COL25A1: variants seen among roughly 807,000 people sequenced by gnomAD.
COL25A1 encodes the protein collagen type XXV alpha 1 chain.
A neutral mutation model predicts 128.4 loss-of-function variants in COL25A1; 103 were observed. The observed-to-expected ratio is 0.80, with a 90% CI of 0.68 to 0.94. The LOEUF (loss-of-function observed/expected upper bound fraction) is 0.94. COL25A1 is among the 40% of genes least tolerant of loss of function. The pLI is 0.00. For missense variants in COL25A1, 745 were observed against 840.0 expected (o/e 0.89, Z 1.40); for synonymous variants, 279 against 277.2 (o/e 1.01, Z -0.06).
chr4:109,032,797 T>G (rs536610121), intron 5 of COL25A1, among the ~76,000 whole-genome samples: 11 of 152,226 alleles, frequency 7.2e-5, no homozygotes, highest in Non-Finnish European at 1.6e-4. Context: ...TGAACGATTC[T>G]AAATAACTGC....
intron 3 of COL25A1, among the ~76,000 whole-genome samples, chr4:109,290,070 T>G (rs764860544): frequency 1.3e-5 from 2 of 152,068 alleles, no homozygotes; most frequent in Non-Finnish European, 2.9e-5. Context: ...TTACTGATTA[T>G]ACAATTCCTC....
intron 3 of COL25A1, among the ~76,000 whole-genome samples, chr4:109,211,221 ATT>A (rs1491274036): frequency 4.2e-5 from 6 of 143,570 alleles, no homozygotes; most frequent in South Asian, 2.3e-4. Flanking sequence ...ATATATATAT[ATT>A]GTGTGTGTGT....
At chr4:109,230,079 C>T (rs1050130793) in intron 3 of COL25A1, among the ~76,000 whole-genome samples, 1 of 152,032 alleles carries the variant, frequency 6.6e-6, no homozygotes, top group African/African-American at 2.4e-5. Context: ...ACAAAGACAC[C>T]ACGAAGCCAT....
chr4:108,978,488 GA>G (rs1407881860), intron 6 of COL25A1, among the ~76,000 whole-genome samples: 6 of 152,068 alleles, frequency 3.9e-5, no homozygotes, highest in Admixed American at 3.9e-4. Flanking sequence ...AATTACAAAT[GA>G]AAGAAAGGTT....
At chr4:108,947,735 C>T (rs1331452795) in intron 8 of COL25A1, among the ~76,000 whole-genome samples, 3 of 152,016 alleles carry the variant, frequency 2.0e-5, no homozygotes, top group Non-Finnish European at 4.4e-5. Context: ...AATAATGCTG[C>T]CTAAATGCAC....
chr4:108,968,807 C>G (rs1012310473), intron 8 of COL25A1, among the ~76,000 whole-genome samples: 1 of 152,092 alleles, frequency 6.6e-6, no homozygotes, highest in African/African-American at 2.4e-5. Flanking sequence ...ATCACGAATT[C>G]AACATAATTA....
At chr4:109,220,116 T>A (rs1778308685) in intron 3 of COL25A1, among the ~76,000 whole-genome samples, 1 of 152,160 alleles carries the variant, frequency 6.6e-6, no homozygotes, top group Non-Finnish European at 1.5e-5. Flanking sequence ...ATCAATTGAG[T>A]CTTTGTATAT....
rs1761822763 is a variant in COL25A1 at position 109,060,081 on chromosome 4, A to AC, written c.368-9903dup. Among the ~76,000 whole-genome samples the AC allele has an allele frequency of 6.6e-5, 10 of 152,208 alleles. No individual in the cohort carries two copies. In the South Asian group the frequency reaches 2.1e-3, roughly 32 times the overall value. ...TCATCTACAAACTAACCTCTCAGAA[A>AC]CCCTTGTTTTCATCTTTAAATAAAG... On this transcript the variant is annotated intron_variant, in intron 3 of 37. Transcript: ENST00000399132.
chr4:108,837,244 CT>C (rs943989396), intron 31 of COL25A1, among the ~76,000 whole-genome samples: 1 of 151,918 alleles, frequency 6.6e-6, no homozygotes, highest in African/African-American at 2.4e-5. Flanking sequence ...TGGTCATCAG[CT>C]TTTTTTTCCT....
intron 3 of COL25A1, among the ~76,000 whole-genome samples, chr4:109,147,392 C>T (rs897457856): frequency 1.3e-5 from 2 of 152,212 alleles, no homozygotes; most frequent in African/African-American, 2.4e-5. Context: ...GAATCGCTCA[C>T]TCCTCTGAAC....
chr4:108,944,640 G>C (rs1252948297), intron 8 of COL25A1, among the ~76,000 whole-genome samples: 1 of 151,804 alleles, frequency 6.6e-6, no homozygotes, highest in Non-Finnish European at 1.5e-5. Context: ...GTCACTTCTT[G>C]TACTCATCTC....
At chr4:108,923,882 T>G (rs1331351331) in intron 11 of COL25A1, among the ~76,000 whole-genome samples, 2 of 152,220 alleles carry the variant, frequency 1.3e-5, no homozygotes, top group Non-Finnish European at 2.9e-5. Context: ...GGTTCATCTC[T>G]GTTAATCAAT....
intron 3 of COL25A1, among the ~76,000 whole-genome samples, chr4:109,151,329 T>G (rs1771480335): frequency 6.6e-6 from 1 of 152,062 alleles, no homozygotes; most frequent in East Asian, 1.9e-4. Context: ...TGCTGACCAT[T>G]TGGTATCTCT....
chr4:108,926,232 C>T lies in COL25A1; in HGVS notation c.709-5628G>A, dbSNP rs368220803. On this transcript the variant is annotated intron_variant, in intron 11 of 37. Coordinates refer to ENST00000399132, the MANE Select transcript of COL25A1 (RefSeq NM_198721.4). ...CATGTTTTAAGGCAAGTTCTGGTTG[C>T]CTGCTATTAGGAAATGATGTAGGGG... 2.4e-3 allele frequency among the ~76,000 whole-genome samples: 363 copies of T among 152,164 alleles called. 2 individuals are homozygous for T. Among genetic ancestry groups the T allele is most frequent in the African/African-American group, 8.3e-3 (345 of 41,520 alleles).
chr4:109,043,981 T>C (rs1760174066), intron 5 of COL25A1, among the ~76,000 whole-genome samples: 1 of 152,060 alleles, frequency 6.6e-6, no homozygotes, highest in Non-Finnish European at 1.5e-5. Context: ...GTTACCTTTA[T>C]GAGAAAGAAA....
chr4:109,133,820 A>G (rs1769445841), intron 3 of COL25A1, among the ~76,000 whole-genome samples: 1 of 152,208 alleles, frequency 6.6e-6, no homozygotes, highest in Non-Finnish European at 1.5e-5. Context: ...AACATTGGAA[A>G]TAAAGATGAA....
chr4:109,194,176 A>C (rs981891909), intron 3 of COL25A1, among the ~76,000 whole-genome samples: 3 of 152,018 alleles, frequency 2.0e-5, no homozygotes, highest in African/African-American at 7.3e-5. Context: ...TAAACCCAGG[A>C]CTCCTTATCC....
In COL25A1 at chr4:109,051,651, A is replaced by G. The variant is rs1038481797; in HGVS notation, c.368-1472T>C. 5.3e-5 allele frequency among the ~76,000 whole-genome samples: 8 copies of G among 151,422 alleles called. No homozygotes were observed. In the East Asian group the frequency reaches 1.2e-3, roughly 22 times the overall value. Reference sequence around the variant, plus strand: ...CACACACACACACACACACACACAGACATAATCTGATATATAAAACTTCCT... The same window carrying G: ...CACACACACACACACACACACACAGGCATAATCTGATATATAAAACTTCCT... On this transcript the variant is annotated intron_variant, in intron 3 of 37. Coordinates refer to ENST00000399132, the MANE Select transcript of COL25A1 (RefSeq NM_198721.4).
chr4:109,214,303 C>T (rs1322735824), intron 3 of COL25A1, among the ~76,000 whole-genome samples: 3 of 152,034 alleles, frequency 2.0e-5, no homozygotes, highest in Non-Finnish European at 2.9e-5. Flanking sequence ...TAAAATGAGG[C>T]TCCACTGTAG....
Sources: gnomAD v4.1 joint callset for allele counts (sites outside exome capture counted in the v4.1 genomes callset) on GRCh38, gnomAD v4.1.1 for gene constraint, MANE v1.5 for transcripts, NCBI Gene and HGNC (gene_info 2026-07-23, HGNC 2026-07-21) for gene names.